PCED1B: variants seen among roughly 807,000 people sequenced by gnomAD.
PCED1B encodes the protein PC-esterase domain containing 1B.
For missense variants in PCED1B, 573 were observed against 573.9 expected (o/e 1.00, Z 0.02); for synonymous variants, 251 against 246.1 (o/e 1.02, Z -0.19).
chr12:47,236,458 C>CTGACCTTG lies in PCED1B; in HGVS notation c.*97_*98insGACCTTGT. On this transcript the variant is annotated 3_prime_UTR_variant, in exon 4 of 4. Coordinates refer to ENST00000546455, the MANE Select transcript of PCED1B (RefSeq NM_138371.3). ...GGCCTGAACAGACTGACCTTGTTAA[C>CTGACCTTG]TTAAGCCTGGAGTCCATGCCTCGTC... 1 of 1,274,094 alleles carries CTGACCTTG rather than the reference C, an allele frequency of 7.8e-7. No homozygotes were observed. Among genetic ancestry groups the CTGACCTTG allele is most frequent in the Non-Finnish European group, 1.1e-6 (1 of 945,332 alleles). 78.9% of individuals were successfully genotyped at this position (1,274,094 alleles called of 1,614,324 possible).
rs138659918 is a variant in PCED1B at position 47,085,251 on chromosome 12, C to T, written c.-609+5526C>T. ...GTTCCTTTCAGCTTCAAAAAATTCA[C>T]TTGATTTTCTGATAACAATGTGTCC... On this transcript the variant is annotated intron_variant, in intron 1 of 3. Coordinates refer to ENST00000546455, the MANE Select transcript of PCED1B (RefSeq NM_138371.3). Among the ~76,000 whole-genome samples the T allele has an allele frequency of 3.9e-5, 6 of 152,326 alleles. No homozygotes were observed. The East Asian group carries it at 1.2e-3, about 29-fold the overall frequency.
At chr12:47,153,150 C>G (rs1245676457) in intron 2 of PCED1B, among the ~76,000 whole-genome samples, 2 of 151,596 alleles carry the variant, frequency 1.3e-5, no homozygotes, top group African/African-American at 4.9e-5. Context: ...GAGATCAAGA[C>G]CATCCTGGCT....
intron 2 of PCED1B, among the ~76,000 whole-genome samples, chr12:47,173,791 G>A (rs1046498411): frequency 1.3e-5 from 2 of 152,146 alleles, no homozygotes; most frequent in Non-Finnish European, 1.5e-5. Context: ...TAAAAGGAGA[G>A]ATTTCAGATC....
chr12:47,112,169 A>G (rs1565754023), intron 2 of PCED1B, among the ~76,000 whole-genome samples: 1 of 152,202 alleles, frequency 6.6e-6, no homozygotes, highest in Non-Finnish European at 1.5e-5. Flanking sequence ...TATTTTATTT[A>G]ACACTTGTTC....
intron 1 of PCED1B, among the ~76,000 whole-genome samples, chr12:47,087,219 T>C (rs976057068): frequency 2.0e-5 from 3 of 152,184 alleles, no homozygotes; most frequent in African/African-American, 7.2e-5. Flanking sequence ...AAAGTGGTCT[T>C]GATAATAATA....
At chr12:47,110,389 G>GT (rs60297080) in intron 2 of PCED1B, among the ~76,000 whole-genome samples, 132,143 of 151,998 alleles carry the variant, frequency 0.87, 57,938 homozygotes, top group East Asian at 0.95. Flanking sequence ...GCAATCCATA[G>GT]GATTCAGCCA....
chr12:47,187,493 G>A (rs1005243548), intron 2 of PCED1B, among the ~76,000 whole-genome samples: 1 of 152,144 alleles, frequency 6.6e-6, no homozygotes, highest in African/African-American at 2.4e-5. Context: ...TTTAACTATA[G>A]GCAGCAGTAT....
chr12:47,222,422 CAAAAAAA>C (rs750444043), intron 3 of PCED1B, among the ~76,000 whole-genome samples: 6,780 of 81,626 alleles, frequency 0.083, 277 homozygotes, highest in African/African-American at 0.16. Flanking sequence ...AACTCCATCT[CAAAAAAA>C]AAAAAAAAAA....
chr12:47,098,127 C>T (rs1160792871), intron 1 of PCED1B, among the ~76,000 whole-genome samples: 2 of 152,176 alleles, frequency 1.3e-5, no homozygotes, highest in East Asian at 1.9e-4. Context: ...TATTCACAGT[C>T]GCTGCTGGAA....
chr12:47,156,848 T>C (rs1268297174), intron 2 of PCED1B, among the ~76,000 whole-genome samples: 1 of 152,166 alleles, frequency 6.6e-6, no homozygotes, highest in Non-Finnish European at 1.5e-5. Context: ...CGTTACTTAC[T>C]AGCTGTGATC....
chr12:47,165,771 A>G (rs1190399580), intron 2 of PCED1B, among the ~76,000 whole-genome samples: 2 of 152,220 alleles, frequency 1.3e-5, no homozygotes, highest in African/African-American at 4.8e-5. Context: ...TCTGTTACAT[A>G]AGAATGTATT....
intron 1 of PCED1B, among the ~76,000 whole-genome samples, chr12:47,087,162 T>A (rs1262544951): frequency 6.6e-6 from 1 of 152,192 alleles, no homozygotes; most frequent in Admixed American, 6.5e-5. Context: ...AAAAGAAACA[T>A]CACATTAATA....
intron 2 of PCED1B, chr12:47,208,361 G>C (rs1055615505): frequency 1.3e-5 from 2 of 152,338 alleles, no homozygotes; most frequent in African/African-American, 2.4e-5. Context: ...TCAGCCTCCT[G>C]AGTAGCTGAG....
At chr12:47,197,432 C>T (rs1431758848) in intron 2 of PCED1B, among the ~76,000 whole-genome samples, 1 of 151,258 alleles carries the variant, frequency 6.6e-6, no homozygotes, top group Non-Finnish European at 1.5e-5. Context: ...CATGGTGAAA[C>T]CCCATCTCTA....
chr12:47,225,468 T>C (rs1943606838), intron 3 of PCED1B, among the ~76,000 whole-genome samples: 1 of 152,222 alleles, frequency 6.6e-6, no homozygotes, highest in South Asian at 2.1e-4. Context: ...TTCGAATTGT[T>C]TGCTTTTCTT....
rs55652735 is a variant in PCED1B at position 47,200,195 on chromosome 12, A to AC, written c.-525-16027_-525-16026insC. Among the ~76,000 whole-genome samples, 5 of 82,382 alleles carry AC rather than the reference A, an allele frequency of 6.1e-5. No individual in the cohort carries two copies. The East Asian group carries it at 1.2e-3, about 19-fold the overall frequency. 54.0% of individuals were successfully genotyped at this position (82,382 alleles called of 152,430 possible). A position where few individuals can be genotyped will look rare whatever the true frequency, so the allele number is the denominator to read the frequency against. The stretch of plus-strand genomic sequence containing the variant: ...GGGCTATAAAGACAGATCTTGCCTC[A>AC]AAAAAAAAAAAATTCTATCCAAAAT... On this transcript the variant is annotated intron_variant, in intron 2 of 3. Transcript: ENST00000546455.
intron 1 of PCED1B, among the ~76,000 whole-genome samples, chr12:47,103,539 T>C (rs1445957967): frequency 6.6e-6 from 1 of 152,246 alleles, no homozygotes; most frequent in Non-Finnish European, 1.5e-5. Context: ...TTACATGCCA[T>C]GTAGCAGAAT....
At chr12:47,127,502 G>A (rs1191704986) in intron 2 of PCED1B, among the ~76,000 whole-genome samples, 1 of 150,136 alleles carries the variant, frequency 6.7e-6, no homozygotes, top group East Asian at 2.0e-4. Context: ...CCGAGTAGCT[G>A]GGACTACAGG....
intron 2 of PCED1B, among the ~76,000 whole-genome samples, chr12:47,138,945 C>T (rs1249322172): frequency 6.6e-6 from 1 of 152,188 alleles, no homozygotes; most frequent in Non-Finnish European, 1.5e-5. Context: ...CTCTTTCTTG[C>T]TTCTACCTCC....
Sources: gnomAD v4.1 joint callset for allele counts (sites outside exome capture counted in the v4.1 genomes callset) on GRCh38, gnomAD v4.1.1 for gene constraint, MANE v1.5 for transcripts, NCBI Gene and HGNC (gene_info 2026-07-23, HGNC 2026-07-21) for gene names.